USP32: variants seen among roughly 807,000 people sequenced by gnomAD.
The protein encoded by USP32 is ubiquitin specific peptidase 32, also known as ubiquitin carboxyl-terminal hydrolase 32.
Under a neutral mutation model 204.8 loss-of-function variants are expected in USP32, and 59 were observed. That is an observed-to-expected ratio of 0.29 (90% CI 0.23 to 0.36). USP32 has a LOEUF of 0.36. Ranked by LOEUF, USP32 falls within the 10% of genes least tolerant of loss-of-function variation. The probability of loss-of-function intolerance (pLI) is 1.00; values close to 1 mark genes in which losing one functional copy is unlikely to be tolerated. For synonymous variants in USP32, 517 were observed against 678.4 expected, an observed-to-expected ratio of 0.76 and a Z score of 3.70; for missense variants, 1,160 against 1,946.4, an observed-to-expected ratio of 0.60 and a Z score of 7.60.
At chr17:60,367,922 A>C (rs1485585531) in intron 1 of USP32, among the ~76,000 whole-genome samples, 1 of 152,122 alleles carries the variant, frequency 6.6e-6, no homozygotes, top group Non-Finnish European at 1.5e-5. Context: ...ATACAGTGTA[A>C]CAGCCATTTA....
At chr17:60,233,497 T>A (rs181771834) in intron 12 of USP32, among the ~76,000 whole-genome samples, 1 of 152,232 alleles carries the variant, frequency 6.6e-6, no homozygotes, top group East Asian at 1.9e-4. Flanking sequence ...ACACTTAACA[T>A]GCATCAAACT....
chr17:60,199,401 T>G (rs2084615496), intron 26 of USP32, among the ~76,000 whole-genome samples: 1 of 152,186 alleles, frequency 6.6e-6, no homozygotes, highest in African/African-American at 2.4e-5. Context: ...ATATTTACGA[T>G]ATTCCTTAAT....
At chr17:60,294,383 AGTGT>A (rs60195146) in intron 4 of USP32, among the ~76,000 whole-genome samples, 36 of 146,434 alleles carry the variant, frequency 2.5e-4, no homozygotes, top group Admixed American at 4.8e-4. Flanking sequence ...TTCCTGCAGG[AGTGT>A]GTGTGTGTGT....
intron 18 of USP32, 123 bp from the exon 19 acceptor site, chr17:60,212,221 G>A: frequency 1.3e-6 from 1 of 799,200 alleles, no homozygotes; most frequent in South Asian, 1.7e-5. Flanking sequence ...GTTAATTTTA[G>A]TACATACATT....
rs1358957192 is a variant in USP32, at chr17:60,180,622, G to A, written c.4564C>T (p.Leu1522=). 57 of 1,613,638 alleles carry A rather than the reference G, an allele frequency of 3.5e-5. No individual in the cohort carries two copies. Among genetic ancestry groups the A allele is most frequent in the Non-Finnish European group, 4.7e-5 (56 of 1,179,716 alleles). The change falls in exon 33 of 34, where the codon CTG becomes TTG. Residue 1522 remains leucine, a synonymous_variant. Transcript: ENST00000300896. ...LYAISCHSGI[L]GGGHYVTYAK... is the part of the protein sequence containing the mutation. ...TAAGTGACGTAATGGCCCCCACCCA[G>A]AATTCCTGAATGGCACTGTAAGAGA...
intron 5 of USP32, among the ~76,000 whole-genome samples, chr17:60,287,531 T>C (rs928050112): frequency 2.6e-5 from 4 of 152,298 alleles, no homozygotes; most frequent in African/African-American, 7.2e-5. Flanking sequence ...TCCTTTCTAC[T>C]GCTACAGAAA....
intron 3 of USP32, among the ~76,000 whole-genome samples, chr17:60,298,864 T>G (rs2087502960): frequency 6.6e-6 from 1 of 152,220 alleles, no homozygotes; most frequent in Admixed American, 6.5e-5. Flanking sequence ...AGCTCATGTT[T>G]GTAATCCTAG....
At chr17:60,219,898 G>C in intron 15 of USP32, 111 bp from the exon 16 acceptor site, 2 of 1,017,726 alleles carry the variant, frequency 2.0e-6, no homozygotes, top group Admixed American at 6.2e-5. Context: ...AAGTTCACTA[G>C]CTACATTTCA....
chr17:60,402,175 T>TC (rs1209526823), intron 1 of USP32, among the ~76,000 whole-genome samples: 2 of 151,888 alleles, frequency 1.3e-5, no homozygotes, highest in Non-Finnish European at 2.9e-5. Context: ...CTAGTGGTTG[T>TC]CCCTTCAAAA....
chr17:60,418,892 A>G (rs1323050007), intron 1 of USP32, among the ~76,000 whole-genome samples: 1 of 152,218 alleles, frequency 6.6e-6, no homozygotes, highest in Non-Finnish European at 1.5e-5. Flanking sequence ...GCAGAGAAAA[A>G]GAAACACTTC....
At chr17:60,421,258 C>T in intron 1 of USP32, 1 of 683,538 alleles carries the variant, frequency 1.5e-6, no homozygotes, top group Non-Finnish European at 1.8e-6. Context: ...ACAACAACAA[C>T]GACAACAATA....
At chr17:60,322,906 T>G (rs2088147181) in intron 2 of USP32, among the ~76,000 whole-genome samples, 1 of 152,180 alleles carries the variant, frequency 6.6e-6, no homozygotes, top group African/African-American at 2.4e-5. Context: ...TCAAGAAATT[T>G]GAACATCTGG....
At chr17:60,277,480 G>GATTT in intron 5 of USP32, among the ~76,000 whole-genome samples, 1 of 152,324 alleles carries the variant, frequency 6.6e-6, no homozygotes, top group Admixed American at 6.5e-5. Flanking sequence ...GAGGCACACA[G>GATTT]ATTTACTAGG....
intron 11 of USP32, among the ~76,000 whole-genome samples, chr17:60,244,042 T>G (rs1305921581): frequency 1.4e-4 from 20 of 139,248 alleles, no homozygotes; most frequent in African/African-American, 4.7e-4. Context: ...TTTTTTTTTT[T>G]TTTTTTTTTT....
intron 2 of USP32, among the ~76,000 whole-genome samples, chr17:60,336,716 A>C (rs78809010): frequency 9.6e-6 from 1 of 104,160 alleles, no homozygotes; most frequent in Admixed American, 9.2e-5. Flanking sequence ...ACTCCATCTC[A>C]AAAAAAAAAA....
chr17:60,245,395 A>C (rs1224447180), intron 11 of USP32: 1 of 400,878 alleles, frequency 2.5e-6, no homozygotes, highest in East Asian at 7.5e-5. Flanking sequence ...ACTGTGGGCA[A>C]TCTCAGCACA....
At chr17:60,197,551 C>T (rs1014794482) in intron 27 of USP32, among the ~76,000 whole-genome samples, 5 of 152,256 alleles carry the variant, frequency 3.3e-5, no homozygotes, top group Non-Finnish European at 7.3e-5. Context: ...CTGCAGTAAG[C>T]CAGGATCGTG....
chr17:60,212,208 C>A, intron 18 of USP32, 110 bp from the exon 19 acceptor site: 1 of 956,774 alleles, frequency 1.0e-6, no homozygotes, highest in Non-Finnish European at 1.6e-6. Flanking sequence ...GTTTTAAAAT[C>A]TAGTTAATTT....
intron 1 of USP32, among the ~76,000 whole-genome samples, chr17:60,376,473 A>G (rs917266494): frequency 2.0e-5 from 3 of 151,978 alleles, no homozygotes; most frequent in Non-Finnish European, 4.4e-5. Flanking sequence ...ATAATCAAAC[A>G]AAGCCACGCA....
Sources: gnomAD v4.1 joint callset for allele counts (sites outside exome capture counted in the v4.1 genomes callset) on GRCh38, gnomAD v4.1.1 for gene constraint, MANE v1.5 for transcripts, NCBI Gene and HGNC (gene_info 2026-07-23, HGNC 2026-07-21) for gene names.